CCNY: variants seen among roughly 807,000 people sequenced by gnomAD.
CCNY encodes the protein cyclin Y.
Under a neutral mutation model 42.8 loss-of-function variants are expected in CCNY, and 19 were observed. The observed-to-expected ratio is 0.44, with a 90% CI of 0.31 to 0.65. The LOEUF is 0.65. CCNY is among the 30% of genes least tolerant of loss of function. The pLI, the probability that CCNY is intolerant of heterozygous loss-of-function variation, is 0.07. For synonymous variants in CCNY, 165 were observed against 162.7 expected (o/e 1.01, Z -0.11); for missense variants, 370 against 437.3 (o/e 0.85, Z 1.37).
At chr10:35,444,405 G>A (rs1168660211) in intron 1 of CCNY, among the ~76,000 whole-genome samples, 4 of 151,976 alleles carry the variant, frequency 2.6e-5, no homozygotes, top group Non-Finnish European at 4.4e-5. Flanking sequence ...GCGCCATCAC[G>A]CCCAGCTAAT....
intron 1 of CCNY, among the ~76,000 whole-genome samples, chr10:35,473,373 G>A (rs1325147370): frequency 6.6e-6 from 1 of 152,234 alleles, no homozygotes; most frequent in Non-Finnish European, 1.5e-5. Flanking sequence ...ATGACACCCA[G>A]TAGAGTAACT....
Position 35,569,166 on chromosome 10 carries a change from C to G in CCNY, c.1022C>G (p.Ser341Cys), listed in dbSNP as rs1043553. 1.3e-6 allele frequency: 2 copies of G among 1,599,112 alleles called. No individual in the cohort carries two copies. Among genetic ancestry groups the G allele is most frequent in the East Asian group, 4.5e-5 (2 of 44,792 alleles). Reference protein sequence around the residue: ...TLPRWSPAIIS With the variant: ...TLPRWSPAIIC ...CCCCGGTGGTCCCCAGCCATCATCT[C>G]TTAACTACGGAGGCCCGCCGGAGGC... The change falls in exon 10 of 10, where the codon TCT (serine) becomes TGT (cysteine). Residue 341 changes from serine to cysteine, a missense_variant. Ser to Cys is a moderately radical substitution (Grantham distance 112). Coordinates refer to ENST00000374704, the MANE Select transcript of CCNY (RefSeq NM_145012.6).
At chr10:35,272,928 C>CTT (rs879779131) in intron 3 of CCNY, among the ~76,000 whole-genome samples, 2 of 143,034 alleles carry the variant, frequency 1.4e-5, no homozygotes, top group African/African-American at 2.5e-5. Context: ...TTGCTAGCAC[C>CTT]TTTTTTTTTT....
At chr10:35,457,034 GA>G (rs1839052112) in intron 1 of CCNY, among the ~76,000 whole-genome samples, 2 of 152,308 alleles carry the variant, frequency 1.3e-5, no homozygotes, top group Middle Eastern at 3.4e-3. Context: ...ATGCGGGGGG[GA>G]AACTACCTTA....
intron 1 of CCNY, among the ~76,000 whole-genome samples, chr10:35,355,916 T>G (rs1271109811): frequency 6.6e-6 from 1 of 152,154 alleles, no homozygotes; most frequent in Non-Finnish European, 1.5e-5. Flanking sequence ...TAGATTGTTT[T>G]TTTTTTTAGC....
At chr10:35,395,739 G>A (rs751583929) in intron 1 of CCNY, among the ~76,000 whole-genome samples, 3 of 152,198 alleles carry the variant, frequency 2.0e-5, no homozygotes, top group South Asian at 2.1e-4. Context: ...AGAGAGAGAC[G>A]CTGTCAGCGC....
chr10:35,307,885 T>G (rs927349703), intron 3 of CCNY, among the ~76,000 whole-genome samples: 1 of 149,012 alleles, frequency 6.7e-6, no homozygotes, highest in South Asian at 2.1e-4. Flanking sequence ...TGGCGCAATC[T>G]TGGCTCACTG....
intron 3 of CCNY, among the ~76,000 whole-genome samples, chr10:35,306,632 C>T (rs370056543): frequency 6.6e-6 from 1 of 152,082 alleles, no homozygotes; most frequent in African/African-American, 2.4e-5. Context: ...CTTTCTGGTA[C>T]TCCCCGGTCT....
chr10:35,300,320 C>T (rs767500402), intron 3 of CCNY, among the ~76,000 whole-genome samples: 2 of 152,136 alleles, frequency 1.3e-5, no homozygotes, highest in Non-Finnish European at 2.9e-5. Context: ...AGATGCCACG[C>T]CCTGCCTGAG....
At chr10:35,391,073 G>A (rs184528939) in intron 1 of CCNY, among the ~76,000 whole-genome samples, 37 of 152,284 alleles carry the variant, frequency 2.4e-4, no homozygotes, top group East Asian at 2.3e-3. Context: ...CCCCAGTGCC[G>A]CAAAGAAATA....
chr10:35,318,963 T>C (rs1222638528), intron 3 of CCNY, among the ~76,000 whole-genome samples: 3 of 152,160 alleles, frequency 2.0e-5, no homozygotes, highest in Non-Finnish European at 4.4e-5. Context: ...ACTCAGATTT[T>C]CTATAGTTTA....
intron 3 of CCNY, among the ~76,000 whole-genome samples, chr10:35,291,461 T>C (rs776055128): frequency 1.2e-4 from 18 of 152,108 alleles, no homozygotes; most frequent in Non-Finnish European, 1.8e-4. Context: ...CCTCTGTCAG[T>C]TGTTTGTGCT....
At chr10:35,478,476 A>G (rs1839574846) in intron 1 of CCNY, among the ~76,000 whole-genome samples, 1 of 152,148 alleles carries the variant, frequency 6.6e-6, no homozygotes, top group Non-Finnish European at 1.5e-5. Flanking sequence ...GCCCTCAGAA[A>G]TAACGCCGCA....
chr10:35,297,336 G>T (rs1445125440), intron 3 of CCNY, among the ~76,000 whole-genome samples: 1 of 151,970 alleles, frequency 6.6e-6, no homozygotes, highest in Non-Finnish European at 1.5e-5. Flanking sequence ...AATAAACAAG[G>T]CATTGAAGGA....
At chr10:35,484,708 T>C (rs1839747192) in intron 2 of CCNY, among the ~76,000 whole-genome samples, 2 of 152,044 alleles carry the variant, frequency 1.3e-5, no homozygotes. Flanking sequence ...CAAAACCAAG[T>C]TTTGCAGACA....
intron 1 of CCNY, among the ~76,000 whole-genome samples, chr10:35,447,472 G>A (rs1354013960): frequency 6.6e-6 from 1 of 151,918 alleles, no homozygotes; most frequent in African/African-American, 2.4e-5. Context: ...GAGACAGTGG[G>A]GTGATTATGA....
At chr10:35,521,945 C>T (rs149163798) in intron 4 of CCNY, among the ~76,000 whole-genome samples, 1 of 151,924 alleles carries the variant, frequency 6.6e-6, no homozygotes, top group East Asian at 1.9e-4. Context: ...GAAAAGAGAC[C>T]AGAAAAAAAG....
intron 3 of CCNY, among the ~76,000 whole-genome samples, chr10:35,304,970 C>T (rs1379589488): frequency 1.3e-5 from 2 of 152,114 alleles, no homozygotes; most frequent in African/African-American, 4.8e-5. Context: ...TCACTGTTGC[C>T]GTGTTGCACA....
chr10:35,267,483 C>A (rs763851456), intron 3 of CCNY, among the ~76,000 whole-genome samples: 1 of 152,160 alleles, frequency 6.6e-6, no homozygotes, highest in African/African-American at 2.4e-5. Context: ...AAGAGCCCAG[C>A]GTGGAGCTGT....
Sources: gnomAD v4.1 joint callset for allele counts (sites outside exome capture counted in the v4.1 genomes callset) on GRCh38, gnomAD v4.1.1 for gene constraint, MANE v1.5 for transcripts, NCBI Gene and HGNC (gene_info 2026-07-23, HGNC 2026-07-21) for gene names.